CFAP299: variants seen among roughly 807,000 people sequenced by gnomAD.
The protein encoded by CFAP299 is cilia and flagella associated protein 299.
CFAP299 carries 21 observed loss-of-function variants against 27.0 expected under a neutral mutation model. The ratio of observed to expected loss-of-function variants is 0.78; its 90% CI spans 0.55 to 1.12. CFAP299 has a LOEUF of 1.12. Among genes scored for constraint, CFAP299 ranks in the 50% most tolerant of loss-of-function variants. The pLI, the probability that CFAP299 is intolerant of heterozygous loss-of-function variation, is 0.00. For missense variants in CFAP299, 310 were observed against 276.6 expected, an observed-to-expected ratio of 1.12 and a Z score of -0.86; for synonymous variants, 104 against 98.1, an observed-to-expected ratio of 1.06 and a Z score of -0.36.
chr4:80,842,951 G>T (rs1730945579), intron 3 of CFAP299, among the ~76,000 whole-genome samples: 1 of 151,820 alleles, frequency 6.6e-6, no homozygotes. Flanking sequence ...AGAACAAATA[G>T]AATTTATGTT....
At chr4:80,585,908 G>A (rs963676205) in intron 3 of CFAP299, among the ~76,000 whole-genome samples, 9 of 152,158 alleles carry the variant, frequency 5.9e-5, no homozygotes, top group African/African-American at 1.9e-4. Flanking sequence ...TGGAAACCAT[G>A]TGCTTGTTTT....
At chr4:80,937,312 CTTTT>C (rs70956081) in intron 4 of CFAP299, among the ~76,000 whole-genome samples, 5 of 68,688 alleles carry the variant, frequency 7.3e-5, no homozygotes, top group Non-Finnish European at 1.3e-4. Context: ...TTTTTTCTTT[CTTTT>C]TTTTTTTTTT....
chr4:80,541,248 T>C (rs550923148), intron 2 of CFAP299, among the ~76,000 whole-genome samples: 179 of 152,318 alleles, frequency 1.2e-3, no homozygotes, highest in African/African-American at 4.2e-3. Context: ...ATTTCTCTGT[T>C]TATGTGAACT....
chr4:80,678,676 G>A (rs1210399651), intron 3 of CFAP299, among the ~76,000 whole-genome samples: 1 of 151,976 alleles, frequency 6.6e-6, no homozygotes, highest in African/African-American at 2.4e-5. Context: ...ACAATTATTA[G>A]TATCATCCTC....
At chr4:80,387,190 G>A (rs1051882230) in intron 2 of CFAP299, 2 of 1,357,296 alleles carry the variant, frequency 1.5e-6, no homozygotes, top group East Asian at 4.6e-5. Context: ...GGAGGCTGTG[G>A]GAGTACTGGT....
chr4:80,343,928 A>G (rs1280405045), intron 1 of CFAP299, among the ~76,000 whole-genome samples: 4 of 152,174 alleles, frequency 2.6e-5, no homozygotes, highest in African/African-American at 9.6e-5. Context: ...GGTAGAAATC[A>G]AGAAGCTATT....
intron 3 of CFAP299, among the ~76,000 whole-genome samples, chr4:80,664,091 C>T (rs1281988557): frequency 1.3e-5 from 2 of 152,130 alleles, no homozygotes; most frequent in Non-Finnish European, 2.9e-5. Flanking sequence ...GTTGCCTGTT[C>T]ATGCTGATGA....
At chr4:80,901,921 T>C (rs909952962) in intron 4 of CFAP299, among the ~76,000 whole-genome samples, 1 of 152,078 alleles carries the variant, frequency 6.6e-6, no homozygotes, top group Non-Finnish European at 1.5e-5. Context: ...CTCAGCCAAC[T>C]AACACTTGAC....
intron 4 of CFAP299, chr4:80,871,094 A>G (rs1733057590): frequency 2.0e-5 from 10 of 512,770 alleles, no homozygotes; most frequent in Non-Finnish European, 2.3e-5. Context: ...TTTAGTAGAG[A>G]CAGGGTTCCA....
chr4:80,550,621 A>C (rs1734457701), intron 2 of CFAP299, among the ~76,000 whole-genome samples: 4 of 152,020 alleles, frequency 2.6e-5, no homozygotes, highest in Non-Finnish European at 5.9e-5. Flanking sequence ...AGAGTTTGTC[A>C]CTGATTCTTC....
intron 3 of CFAP299, among the ~76,000 whole-genome samples, chr4:80,800,326 ATATTAAT>A (rs1179307197): frequency 1.4e-5 from 1 of 70,820 alleles, no homozygotes; most frequent in Non-Finnish European, 2.3e-5. Flanking sequence ...TGATACATTA[ATATTAAT>A]ATATATAATA....
intron 2 of CFAP299, among the ~76,000 whole-genome samples, chr4:80,385,845 T>G (rs1724945624): frequency 6.6e-6 from 1 of 152,250 alleles, no homozygotes; most frequent in South Asian, 2.1e-4. Flanking sequence ...TGGGCGGAAC[T>G]GCCCTGTCTT....
chr4:80,880,387 A>G (rs971459492), intron 4 of CFAP299, among the ~76,000 whole-genome samples: 6 of 152,210 alleles, frequency 3.9e-5, no homozygotes, highest in African/African-American at 1.4e-4. Flanking sequence ...TGTCAATATA[A>G]CAACAGTATT....
intron 3 of CFAP299, among the ~76,000 whole-genome samples, chr4:80,778,881 G>A (rs530524945): frequency 6.6e-6 from 1 of 152,020 alleles, no homozygotes; most frequent in Non-Finnish European, 1.5e-5. Flanking sequence ...ACTCATTTGT[G>A]TATGTGTTTT....
the CFAP299 span, among the ~76,000 whole-genome samples, chr4:80,324,533 C>T: frequency 3.5e-4 from 53 of 152,134 alleles, no homozygotes; most frequent in African/African-American, 1.2e-3. Flanking sequence ...GATAGGCATG[C>T]GTCTAGAGTC....
intron 4 of CFAP299, among the ~76,000 whole-genome samples, chr4:80,902,586 TACACACACACACAC>T (rs3038572): frequency 5.5e-5 from 7 of 126,694 alleles, no homozygotes; most frequent in East Asian, 4.7e-4. Context: ...ATGTAATATA[TACACACACACACAC>T]ACACACACAC....
intron 4 of CFAP299, among the ~76,000 whole-genome samples, chr4:80,887,027 C>T (rs1180765429): frequency 6.6e-6 from 1 of 151,698 alleles, no homozygotes; most frequent in African/African-American, 2.4e-5. Flanking sequence ...CGAAAATACA[C>T]AGTCAGAGGA....
At chr4:80,866,062 TATATATATATA>T (rs1560454008) in intron 3 of CFAP299, among the ~76,000 whole-genome samples, 17 of 49,320 alleles carry the variant, frequency 3.4e-4, no homozygotes, top group African/African-American at 3.4e-3. Context: ...TAAAGTATTA[TATATATATATA>T]TATATATATA....
At chr4:80,413,266 G>A (rs75700107) in intron 2 of CFAP299, among the ~76,000 whole-genome samples, 1,766 of 152,302 alleles carry the variant, frequency 0.012, 43 homozygotes, top group African/African-American at 0.04. Context: ...CTATGGTGCT[G>A]GCTGTGGCTT....
Sources: allele counts gnomAD v4.1 joint callset (sites outside exome capture counted in the v4.1 genomes callset), GRCh38; gene constraint gnomAD v4.1.1; transcripts MANE v1.5; gene names NCBI Gene and HGNC (gene_info 2026-07-23, HGNC 2026-07-21).